The following TENM3 variants were observed in gnomAD, a reference collection of about 807,000 sequenced individuals.
The protein encoded by TENM3 is teneurin transmembrane protein 3.
Under a neutral mutation model 255.1 loss-of-function variants are expected in TENM3, and 63 were observed. The observed-to-expected ratio is 0.25, with a 90% confidence interval of 0.20 to 0.30. TENM3 has a LOEUF of 0.30. Ranked by LOEUF, TENM3 falls within the 10% of genes least tolerant of loss-of-function variation. The pLI, the probability that TENM3 is intolerant of heterozygous loss-of-function variation, is 1.00. For synonymous variants in TENM3, 1,306 were observed against 1,322.3 expected (o/e 0.99, Z 0.27); for missense variants, 2,929 against 3,461.1 (o/e 0.85, Z 3.86).
intron 3 of TENM3, among the ~76,000 whole-genome samples, chr4:182,598,406 C>T (rs1020187746): frequency 6.6e-6 from 1 of 152,256 alleles, no homozygotes; most frequent in South Asian, 2.1e-4. Flanking sequence ...CATGGATCCT[C>T]GTGTGGTGTC....
chr4:182,736,705 GA>G, intron 16 of TENM3, 102 bp from the exon 17 acceptor site: 1 of 1,095,880 alleles, frequency 9.1e-7, no homozygotes, highest in Non-Finnish European at 1.3e-6. Context: ...AAGACACAGA[GA>G]GTCACTATTC....
chr4:182,075,449 T>A, the TENM3 span, among the ~76,000 whole-genome samples: 2 of 152,168 alleles, frequency 1.3e-5, no homozygotes, highest in Middle Eastern at 6.8e-3. Context: ...CCACCCGCCT[T>A]GGCCTCCCAA....
At chr4:181,970,197 T>C in the TENM3 span, among the ~76,000 whole-genome samples, 2 of 152,186 alleles carry the variant, frequency 1.3e-5, no homozygotes, top group African/African-American at 4.8e-5. Context: ...TTACCAGTAG[T>C]CATTTAAATA....
At chr4:182,013,765 T>G in the TENM3 span, among the ~76,000 whole-genome samples, 119 of 152,050 alleles carry the variant, frequency 7.8e-4, no homozygotes, top group African/African-American at 2.8e-3. Context: ...ATATTTTCAT[T>G]TGAATGAAGG....
chr4:182,774,938 C>G lies in TENM3; in HGVS notation c.5089C>G (p.Gln1697Glu), dbSNP rs570803187. ...TTTAGATCAGTTAAGAAACAGCTAC[C>G]AGATTGGTTATGACGGCTCCCTCAG... ...MVQDQLRNSY[Q>E]IGYDGSLRII... Residue 1697 changes from glutamine to glutamate, a missense_variant, in exon 24 of 28, where the codon CAG (glutamine) becomes GAG (glutamate). Physicochemically the swap from Gln to Glu is conservative, Grantham distance 29 (BLOSUM62 2). This residue lies in a region of TENM3 where 1,608 missense variants were observed against 1,884.4 expected (regional missense o/e 0.85). Coordinates refer to ENST00000511685, the MANE Select transcript of TENM3 (RefSeq NM_001080477.4). 1 of 1,612,876 alleles carries G rather than the reference C, an allele frequency of 6.2e-7. No individual in the cohort carries two copies. The highest frequency in any genetic ancestry group is 1.3e-5 in the African/African-American group (1 of 74,980).
intron 3 of TENM3, among the ~76,000 whole-genome samples, chr4:182,537,737 T>G (rs1740479340): frequency 6.6e-6 from 1 of 152,210 alleles, no homozygotes; most frequent in Non-Finnish European, 1.5e-5. Flanking sequence ...ACTAGTTACT[T>G]GACGTTAATT....
chr4:182,182,219 C>T (rs1295473451), intron 1 of TENM3, among the ~76,000 whole-genome samples: 1 of 151,902 alleles, frequency 6.6e-6, no homozygotes, highest in Non-Finnish European at 1.5e-5. Context: ...CAAGGGCAGC[C>T]CGTTTTTTCA....
rs35538818 is a variant in TENM3 at position 182,701,210 on chromosome 4, C to CTTTTTTTTTTTTTTTTTTTTTTTTTTT, written c.2221+12861_2222-12849dup. Among the ~76,000 whole-genome samples, 8 of 38,668 alleles carry CTTTTTTTTTTTTTTTTTTTTTTTTTTT rather than the reference C, an allele frequency of 2.1e-4. 4 individuals carry two copies. The highest frequency in any genetic ancestry group is 4.8e-4 in the African/African-American group (4 of 8,368). 25.4% of individuals were successfully genotyped at this position (38,668 alleles called of 152,430 possible). A position where few individuals can be genotyped will look rare whatever the true frequency, so the allele number is the denominator to read the frequency against. ...TTTTCACATACAGTCCAACTCTTGACTTTTTTTTTTTTTTTTTTTTTTTTT... is the reference window on the plus strand; with the variant it reads ...TTTTCACATACAGTCCAACTCTTGACTTTTTTTTTTTTTTTTTTTTTTTTTTTTTTTTTTTTTTTTTTTTTTTTTTTT... On this transcript the variant is annotated intron_variant, in intron 12 of 27. Transcript: ENST00000511685.
In TENM3 at chr4:182,729,073, T is replaced by G. The variant is rs777482544; in HGVS notation, c.2477T>G (p.Leu826Arg). ...PDPQDIISQS[L>R]QSPSQQAAKS... ...CCTCAGGACATCATTAGCCAAAGCC[T>G]TCAATCGCCTTCTCAGCAAGCTGCC... is the stretch of plus-strand genomic sequence containing the variant. Residue 826 changes from leucine to arginine, a missense_variant, in exon 14 of 28, where the codon CTT becomes CGT. Coordinates refer to ENST00000511685, the MANE Select transcript of TENM3 (RefSeq NM_001080477.4). 41 of 1,614,026 alleles carry G rather than the reference T, an allele frequency of 2.5e-5. No individual in the cohort carries two copies. The highest frequency in any genetic ancestry group is 3.1e-5 in the Non-Finnish European group (36 of 1,179,894).
intron 5 of TENM3, among the ~76,000 whole-genome samples, chr4:182,640,584 C>A (rs1026609202): frequency 2.6e-5 from 4 of 152,044 alleles, no homozygotes; most frequent in African/African-American, 9.7e-5. Context: ...CAAATACATT[C>A]TTCATGATCT....
At chr4:181,448,872 T>C in the TENM3 span, among the ~76,000 whole-genome samples, 1 of 152,254 alleles carries the variant, frequency 6.6e-6, no homozygotes, top group Non-Finnish European at 1.5e-5. Context: ...AACATACTTA[T>C]AATTTTATTA....
intron 3 of TENM3, among the ~76,000 whole-genome samples, chr4:182,494,988 A>G (rs1315160363): frequency 6.6e-6 from 1 of 152,180 alleles, no homozygotes; most frequent in African/African-American, 2.4e-5. Context: ...TTACAGCAGC[A>G]TCTTTGGAGA....
intron 3 of TENM3, among the ~76,000 whole-genome samples, chr4:182,370,786 G>A (rs1766751931): frequency 6.6e-6 from 1 of 152,180 alleles, no homozygotes; most frequent in Non-Finnish European, 1.5e-5. Flanking sequence ...TTCTAGAAGT[G>A]ATCTCTGCAA....
the TENM3 span, among the ~76,000 whole-genome samples, chr4:182,051,161 C>T: frequency 5.3e-5 from 8 of 151,718 alleles, no homozygotes; most frequent in African/African-American, 9.7e-5. Context: ...CTGACCAACA[C>T]GGTGAAAACC....
chr4:182,773,484 A>G lies in TENM3; in HGVS notation c.4905A>G (p.Glu1635=). ...CTCTTGTATTTAGCTATGACAGTGA[A>G]GGTCGTCTGACAAATGTTACGTTTC... ...GWTTFFDYDS[E]GRLTNVTFPT... is the part of the protein sequence containing the mutation. Residue 1635 remains glutamate (E), a synonymous_variant, in exon 23 of 28, where the codon GAA becomes GAG. Transcript: ENST00000511685. 2 of 1,612,210 alleles carry G rather than the reference A, an allele frequency of 1.2e-6. No individual in the cohort carries two copies. The highest frequency in any genetic ancestry group is 1.1e-5 in the South Asian group (1 of 90,532).
At chr4:181,551,839 TGTGTGTGTGTGTGTGTGTGTGTG>T in the TENM3 span, among the ~76,000 whole-genome samples, 1 of 658 alleles carries the variant, frequency 1.5e-3, no homozygotes, top group Admixed American at 0.033. Flanking sequence ...TATATGTATA[TGTGTGTGTGTGTGTGTGTGTGTG>T]TGTGTGTGTG....
the TENM3 span, among the ~76,000 whole-genome samples, chr4:182,133,259 T>C: frequency 6.6e-6 from 1 of 152,184 alleles, no homozygotes; most frequent in South Asian, 2.1e-4. Flanking sequence ...GGCAGGATAG[T>C]GATAATGCTT....
intron 22 of TENM3, among the ~76,000 whole-genome samples, chr4:182,757,351 T>C (rs1484724549): frequency 1.4e-5 from 2 of 142,204 alleles, no homozygotes; most frequent in Non-Finnish European, 3.0e-5. Flanking sequence ...CTTCAGGAGA[T>C]GGTGGCGGCA....
intron 3 of TENM3, among the ~76,000 whole-genome samples, chr4:182,413,968 T>C (rs1456640493): frequency 1.3e-5 from 2 of 152,234 alleles, no homozygotes; most frequent in Non-Finnish European, 2.9e-5. Flanking sequence ...TGTAATTTAC[T>C]CTGTTACCAC....
Sources: allele counts gnomAD v4.1 joint callset (sites outside exome capture counted in the v4.1 genomes callset), GRCh38; gene constraint gnomAD v4.1.1; regional missense constraint gnomAD v4.1.1; transcripts MANE v1.5; gene names NCBI Gene and HGNC (gene_info 2026-07-23, HGNC 2026-07-21).